Variants in NMNAT3 observed in about 807,000 individuals in gnomAD.
NMNAT3 encodes the protein nicotinamide/nicotinic acid mononucleotide adenylyltransferase 3.
Under a neutral mutation model 24.8 loss-of-function variants are expected in NMNAT3, and 21 were observed. That is an observed-to-expected ratio of 0.85 (90% CI 0.60 to 1.22). The LOEUF (loss-of-function observed/expected upper bound fraction) is 1.22. Ranked by LOEUF, NMNAT3 falls within the 50% of genes most tolerant of loss-of-function variation. The pLI, the probability that NMNAT3 is intolerant of heterozygous loss-of-function variation, is 0.00. For missense variants in NMNAT3, 387 were observed against 436.6 expected (o/e 0.89, Z 1.01); for synonymous variants, 136 against 155.2 (o/e 0.88, Z 0.92).
intron 3 of NMNAT3, among the ~76,000 whole-genome samples, chr3:139,616,374 G>A (rs1445013007): frequency 6.6e-6 from 1 of 152,072 alleles, no homozygotes; most frequent in Non-Finnish European, 1.5e-5. Context: ...ATTCTCCTTT[G>A]TAAGGCTGTC....
intron 4 of NMNAT3, chr3:139,582,831 A>C: frequency 1.4e-6 from 1 of 730,178 alleles, no homozygotes; most frequent in Non-Finnish European, 2.1e-6. Flanking sequence ...TAGGTATTCA[A>C]TGCAACTCTT....
At chr3:139,628,111 C>T (rs1010610785) in intron 2 of NMNAT3, among the ~76,000 whole-genome samples, 1 of 152,158 alleles carries the variant, frequency 6.6e-6, no homozygotes, top group African/African-American at 2.4e-5. Flanking sequence ...GACAGATCAC[C>T]ACGGGGTCAG....
chr3:139,576,303 C>T (rs555442963), intron 5 of NMNAT3: 1 of 946,700 alleles, frequency 1.1e-6, no homozygotes, highest in South Asian at 5.0e-5. Context: ...GCAGTTGGTA[C>T]ATTTTGGAGA....
chr3:139,611,229 A>G (rs2055199588), intron 3 of NMNAT3, among the ~76,000 whole-genome samples: 1 of 152,172 alleles, frequency 6.6e-6, no homozygotes, highest in Non-Finnish European at 1.5e-5. Context: ...GCATAGTTAT[A>G]AGAGTATTAT....
At chr3:139,644,954 A>G (rs1237536747) in intron 1 of NMNAT3, among the ~76,000 whole-genome samples, 1 of 152,194 alleles carries the variant, frequency 6.6e-6, no homozygotes, top group Non-Finnish European at 1.5e-5. Flanking sequence ...CTGTAATCCC[A>G]GTACTTTGGG....
At chr3:139,583,299 G>C (rs2053754103) in intron 3 of NMNAT3, 1 of 1,304,334 alleles carries the variant, frequency 7.7e-7, no homozygotes, top group South Asian at 1.2e-5. Context: ...GTTTCATTTG[G>C]ATGTTTAATG....
intron 3 of NMNAT3, among the ~76,000 whole-genome samples, chr3:139,604,787 T>C (rs1278631297): frequency 6.6e-6 from 1 of 152,164 alleles, no homozygotes; most frequent in East Asian, 1.9e-4. Flanking sequence ...ATATTGTTGA[T>C]TATATGCAAT....
At chr3:139,653,163 T>G (rs1439229628) in intron 1 of NMNAT3, among the ~76,000 whole-genome samples, 1 of 152,184 alleles carries the variant, frequency 6.6e-6, no homozygotes, top group East Asian at 1.9e-4. Context: ...TTTCTGTGCC[T>G]ACTCCATTTT....
chr3:139,626,752 T>G lies in NMNAT3; in HGVS notation c.109+864A>C, dbSNP rs534893436. ...TGTTTCTAAAATAAAGACATTTCCT[T>G]TAAAATGAACTAATACTTGTGCATT... On this transcript the variant is annotated intron_variant, in intron 3 of 6. Transcript: ENST00000643695. 2.6e-5 allele frequency among the ~76,000 whole-genome samples: 4 copies of G among 152,246 alleles called. No homozygotes were observed. The East Asian group carries it at 7.7e-4, about 29-fold the overall frequency.
At chr3:139,583,858 T>C (rs1294175621) in intron 3 of NMNAT3, among the ~76,000 whole-genome samples, 1 of 152,288 alleles carries the variant, frequency 6.6e-6, no homozygotes, top group Non-Finnish European at 1.5e-5. Flanking sequence ...CGCGACGGGC[T>C]GTGATCGCGC....
At chr3:139,664,616 A>G (rs966929705) in intron 1 of NMNAT3, among the ~76,000 whole-genome samples, 6 of 152,334 alleles carry the variant, frequency 3.9e-5, no homozygotes, top group African/African-American at 1.2e-4. Flanking sequence ...ACCATCATCT[A>G]TTTGGTAACC....
At chr3:139,589,297 G>A (rs2054069467) in intron 3 of NMNAT3, among the ~76,000 whole-genome samples, 1 of 152,144 alleles carries the variant, frequency 6.6e-6, no homozygotes, top group South Asian at 2.1e-4. Flanking sequence ...TATTTTCCCA[G>A]ACTAGAAGGA....
rs2054255190 is a variant in NMNAT3, at chr3:139,592,726, A to C, written c.110-9518T>G. On this transcript the variant is annotated intron_variant, in intron 3 of 6. Coordinates refer to ENST00000643695, the MANE Select transcript of NMNAT3 (RefSeq NM_001320510.2). ...TTCATATCCAGCCAAACTAAGCTTC[A>C]TAAGTGAAGGAGAAATAAAATCCTT... 2.6e-5 allele frequency among the ~76,000 whole-genome samples: 4 copies of C among 152,286 alleles called. No homozygotes were observed. In the South Asian group the frequency reaches 6.2e-4, roughly 24 times the overall value.
chr3:139,564,671 C>A (rs567206775), intron 6 of NMNAT3, among the ~76,000 whole-genome samples: 6 of 152,318 alleles, frequency 3.9e-5, no homozygotes, highest in South Asian at 4.1e-4. Context: ...GAGCTCATCA[C>A]GTAATTTGCA....
chr3:139,583,152 A>G lies in NMNAT3; in HGVS notation c.166T>C (p.Ser56Pro). 2 of 1,360,990 alleles carry G rather than the reference A, an allele frequency of 1.5e-6. No homozygotes were observed. The highest frequency in any genetic ancestry group is 2.1e-6 in the Non-Finnish European group (2 of 956,506). 84.3% of individuals were successfully genotyped at this position (1,360,990 alleles called of 1,614,324 possible). Residue 56 changes from serine to proline, a missense_variant, in exon 4 of 7, where the codon TCA becomes CCA. Around this residue, in one of 3 missense-constraint regions of NMNAT3, gnomAD observed 13 missense variants for 35.8 expected, o/e 0.36. Coordinates refer to ENST00000643695, the MANE Select transcript of NMNAT3 (RefSeq NM_001320510.2). ...AGATGAAAAGAAATATCTTTTATTG[A>G]GATAGACTGAGGTCCAGGAAAAACA...
intron 2 of NMNAT3, among the ~76,000 whole-genome samples, chr3:139,630,320 AG>A (rs550002765): frequency 6.6e-6 from 1 of 152,306 alleles, no homozygotes; most frequent in Non-Finnish European, 1.5e-5. Context: ...AGTAAGGGAA[AG>A]GGGATTGGAA....
intron 1 of NMNAT3, among the ~76,000 whole-genome samples, chr3:139,662,694 G>A (rs766425549): frequency 6.6e-6 from 1 of 152,124 alleles, no homozygotes; most frequent in Non-Finnish European, 1.5e-5. Context: ...GAGCAGAGAG[G>A]TTCTCCAAGG....
intron 6 of NMNAT3, chr3:139,569,772 A>C (rs1937828328): frequency 6.6e-6 from 1 of 152,138 alleles, no homozygotes; most frequent in South Asian, 2.1e-4. Flanking sequence ...GGCTGCCCTT[A>C]ACATTTTTTC....
intron 3 of NMNAT3, among the ~76,000 whole-genome samples, chr3:139,598,294 G>A (rs2054567281): frequency 6.6e-6 from 1 of 152,158 alleles, no homozygotes; most frequent in African/African-American, 2.4e-5. Context: ...CTCCTAGGGG[G>A]CTGGGGTAGG....
Sources: gnomAD v4.1 joint callset for allele counts (sites outside exome capture counted in the v4.1 genomes callset) on GRCh38, gnomAD v4.1.1 for gene constraint, gnomAD v4.1.1 regional missense constraint, MANE v1.5 for transcripts, NCBI Gene and HGNC (gene_info 2026-07-23, HGNC 2026-07-21) for gene names.